KMT2C: variants seen among roughly 807,000 people sequenced by gnomAD.
The protein encoded by KMT2C is lysine methyltransferase 2C.
KMT2C carries 88 observed loss-of-function variants against 507.9 expected under a neutral mutation model. That is an observed-to-expected ratio of 0.17 (90% CI 0.15 to 0.21). The LOEUF (loss-of-function observed/expected upper bound fraction) is 0.21. Ranked by LOEUF, KMT2C falls within the 10% of genes least tolerant of loss-of-function variation. The probability of loss-of-function intolerance (pLI) is 1.00; values close to 1 mark genes in which losing one functional copy is unlikely to be tolerated. For missense variants in KMT2C, 4,954 were observed against 5,957.8 expected (o/e 0.83, Z 5.55); for synonymous variants, 2,049 against 2,080.8 (o/e 0.98, Z 0.42).
At chr7:152,254,851 G>C (rs1048833560) in intron 9 of KMT2C, among the ~76,000 whole-genome samples, 5 of 151,832 alleles carry the variant, frequency 3.3e-5, no homozygotes, top group African/African-American at 7.3e-5. Flanking sequence ...ATTCAACAAA[G>C]TACTAGGATA....
rs374091087 is a variant in KMT2C at position 152,207,296 on chromosome 7, A to G, written c.3841+4T>C. On this transcript the variant is annotated splice_donor_region_variant and intron_variant, in intron 24 of 58. Coordinates refer to ENST00000262189, the MANE Select transcript of KMT2C (RefSeq NM_170606.3). ...TATTGAAATGTCTACCTCAGGCACTATACCTGGTCTGTATGGTTTCCTTTT... is the reference window on the plus strand; with the variant it reads ...TATTGAAATGTCTACCTCAGGCACTGTACCTGGTCTGTATGGTTTCCTTTT... 1.3e-6 allele frequency: 2 copies of G among 1,557,538 alleles called. No individual in the cohort carries two copies. Among genetic ancestry groups the G allele is most frequent in the African/African-American group, 1.4e-5 (1 of 71,856 alleles).
rs1221870395 is a variant in KMT2C, at chr7:152,358,691, A to T, written c.162-16T>A. 1 of 1,527,094 alleles carries T rather than the reference A, an allele frequency of 6.5e-7. No homozygotes were observed. Among genetic ancestry groups the T allele is most frequent in the Admixed American group, 1.8e-5 (1 of 55,952 alleles). The allele number at this position is 1,527,094 out of a possible 1,614,324, so 94.6% of individuals were successfully genotyped here. A position where few individuals can be genotyped will look rare whatever the true frequency, so the allele number is the denominator to read the frequency against. On this transcript the variant is annotated splice_polypyrimidine_tract_variant and intron_variant, in intron 1 of 58. Transcript: ENST00000262189. ...ACTTCGAGGTCTACAGAAAAAAAAAAAAATAATAAGTACATAGAGTTAAAT... is the reference window on the plus strand; with the variant it reads ...ACTTCGAGGTCTACAGAAAAAAAAATAAATAATAAGTACATAGAGTTAAAT...
intron 26 of KMT2C, among the ~76,000 whole-genome samples, chr7:152,201,865 C>T (rs919345562): frequency 1.3e-5 from 2 of 152,008 alleles, no homozygotes; most frequent in African/African-American, 4.8e-5. Context: ...GAAACCGAGA[C>T]ACAAGAGATG....
At chr7:152,229,359 G>A (rs1182651792) in intron 18 of KMT2C, among the ~76,000 whole-genome samples, 6 of 152,108 alleles carry the variant, frequency 3.9e-5, no homozygotes, top group Admixed American at 6.6e-5. Flanking sequence ...ATTGAGACCT[G>A]TCCATATTTA....
intron 9 of KMT2C, among the ~76,000 whole-genome samples, chr7:152,254,452 CAAATT>C (rs1461387408): frequency 1.3e-5 from 2 of 151,760 alleles, no homozygotes; most frequent in East Asian, 1.9e-4. Flanking sequence ...TAAAGTTTAA[CAAATT>C]AAAAGGTCTG....
intron 41 of KMT2C, 128 bp downstream of exon 41, chr7:152,169,058 T>G (rs1026548638): frequency 1.7e-6 from 1 of 584,626 alleles, no homozygotes; most frequent in Non-Finnish European, 3.1e-6. Flanking sequence ...GGCAGTGATG[T>G]TTAATAAGAC....
At chr7:152,432,134 A>T (rs551072439) in intron 1 of KMT2C, among the ~76,000 whole-genome samples, 6 of 152,216 alleles carry the variant, frequency 3.9e-5, no homozygotes, top group African/African-American at 1.4e-4. Flanking sequence ...CAGGGTATAA[A>T]GAGTTTACTC....
At chr7:152,425,365 C>G (rs1674807389) in intron 1 of KMT2C, among the ~76,000 whole-genome samples, 1 of 152,168 alleles carries the variant, frequency 6.6e-6, no homozygotes, top group Admixed American at 6.5e-5. Context: ...CACCTGAGGT[C>G]AGAAGTTCGA....
At position 152,377,908 on chromosome 7, in the gene KMT2C, T is replaced by C. The variant is rs968048911; in HGVS notation, c.162-19233A>G. Among the ~76,000 whole-genome samples the C allele has an allele frequency of 2.0e-4, 30 of 152,170 alleles. 1 individual carries two copies. Among genetic ancestry groups the C allele is most frequent in the Admixed American group, 1.0e-3 (16 of 15,278 alleles). ...TGGAAGAAGTTGATTCCAACTCTCA[T>C]GGATAACTTTGAGGGGTTCAAGACT... is the stretch of plus-strand genomic sequence containing the variant. On this transcript the variant is annotated intron_variant, in intron 1 of 58. Coordinates refer to ENST00000262189, the MANE Select transcript of KMT2C (RefSeq NM_170606.3).
At chr7:152,380,102 TGTGCCTGTA>T (rs2097359732) in intron 1 of KMT2C, among the ~76,000 whole-genome samples, 1 of 152,296 alleles carries the variant, frequency 6.6e-6, no homozygotes. Context: ...GGTGGCAGCA[TGTGCCTGTA>T]GTCCCAGCTA....
At chr7:152,306,170 G>T (rs1986375) in intron 6 of KMT2C, among the ~76,000 whole-genome samples, 1 of 152,004 alleles carries the variant, frequency 6.6e-6, no homozygotes, top group Non-Finnish European at 1.5e-5. Flanking sequence ...AGTTACTTAG[G>T]TGAGTTCTTT....
intron 6 of KMT2C, among the ~76,000 whole-genome samples, chr7:152,300,245 A>C (rs1373260604): frequency 6.6e-6 from 1 of 152,234 alleles, no homozygotes; most frequent in Non-Finnish European, 1.5e-5. Flanking sequence ...TATCCTGTGA[A>C]GGAGGGTCTG....
chr7:152,255,146 C>CAT (rs1208910877), intron 9 of KMT2C, among the ~76,000 whole-genome samples: 68 of 63,978 alleles, frequency 1.1e-3, no homozygotes, highest in East Asian at 3.3e-3. Context: ...TATATATATA[C>CAT]ATATATATAT....
chr7:152,325,417 G>T (rs977343625), intron 3 of KMT2C, among the ~76,000 whole-genome samples: 3 of 151,006 alleles, frequency 2.0e-5, no homozygotes, highest in African/African-American at 7.3e-5. Flanking sequence ...CAAAGGGCTG[G>T]GATTACAGGC....
chr7:152,431,817 A>G (rs1393575144), intron 1 of KMT2C, among the ~76,000 whole-genome samples: 1 of 152,236 alleles, frequency 6.6e-6, no homozygotes. Flanking sequence ...AATTGCTGTC[A>G]TAAAAATTAC....
intron 1 of KMT2C, among the ~76,000 whole-genome samples, chr7:152,364,018 C>T (rs377045744): frequency 6.6e-6 from 1 of 152,312 alleles, no homozygotes; most frequent in Admixed American, 6.5e-5. Context: ...GAGTGAGACA[C>T]ACCTTTAGGA....
chr7:152,344,996 T>A (rs1422684100), intron 2 of KMT2C, among the ~76,000 whole-genome samples: 1 of 150,646 alleles, frequency 6.6e-6, no homozygotes, highest in East Asian at 2.0e-4. Flanking sequence ...CAAAAAATTA[T>A]AATACAATAA....
chr7:152,410,619 T>A lies in KMT2C; in HGVS notation c.161+25007A>T, dbSNP rs1366104104. Reference sequence around the variant, plus strand: ...TTTTTAAGTTTTAATTTATATATATTATATTATAAATATTATATATAATGT... The same window carrying A: ...TTTTTAAGTTTTAATTTATATATATAATATTATAAATATTATATATAATGT... On this transcript the variant is annotated intron_variant, in intron 1 of 58. Transcript: ENST00000262189. Among the ~76,000 whole-genome samples the A allele has an allele frequency of 3.4e-5, 5 of 146,700 alleles. No individual in the cohort carries two copies. The South Asian group carries it at 8.5e-4, about 25-fold the overall frequency.
At chr7:152,154,522 C>A in intron 46 of KMT2C, 77 bp from the exon 47 acceptor site, 1 of 1,234,886 alleles carries the variant, frequency 8.1e-7, no homozygotes, top group Non-Finnish European at 1.2e-6. Flanking sequence ...CTGCTGACAT[C>A]TGTGAATACA....
Sources: gnomAD v4.1 joint callset for allele counts (sites outside exome capture counted in the v4.1 genomes callset) on GRCh38, gnomAD v4.1.1 for gene constraint, MANE v1.5 for transcripts, NCBI Gene and HGNC (gene_info 2026-07-23, HGNC 2026-07-21) for gene names.